Variants in DMXL2 observed in about 807,000 individuals in gnomAD.
DMXL2 encodes Dmx like 2.
Under a neutral mutation model 331.1 loss-of-function variants are expected in DMXL2, and 103 were observed. The observed-to-expected ratio is 0.31, with a 90% CI of 0.27 to 0.37. The LOEUF is 0.37. Ranked by LOEUF, DMXL2 falls within the 10% of genes least tolerant of loss-of-function variation. The probability of loss-of-function intolerance (pLI) is 1.00; values close to 1 mark genes in which losing one functional copy is unlikely to be tolerated. For synonymous variants in DMXL2, 1,281 were observed against 1,252.1 expected (o/e 1.02, Z -0.49); for missense variants, 3,171 against 3,642.9 (o/e 0.87, Z 3.33).
chr15:51,592,979 A>T (rs1323565147), intron 1 of DMXL2, among the ~76,000 whole-genome samples: 1 of 152,260 alleles, frequency 6.6e-6, no homozygotes, highest in Non-Finnish European at 1.5e-5. Flanking sequence ...TGTAAAGACC[A>T]TCGAGGCTAA....
intron 40 of DMXL2, 91 bp from the exon 41 acceptor site, chr15:51,453,732 A>ATG (rs1595873720): frequency 5.0e-6 from 5 of 993,574 alleles, no homozygotes; most frequent in Non-Finnish European, 7.6e-6. Context: ...AACATACTAT[A>ATG]TGCATGAGCT....
intron 6 of DMXL2, among the ~76,000 whole-genome samples, chr15:51,559,999 C>T (rs2049851849): frequency 6.6e-6 from 1 of 152,166 alleles, no homozygotes; most frequent in Admixed American, 6.5e-5. Context: ...AAGACATCTG[C>T]TGCAGCATTA....
chr15:51,610,239 T>A (rs1029236992), intron 1 of DMXL2, among the ~76,000 whole-genome samples: 1 of 152,174 alleles, frequency 6.6e-6, no homozygotes, highest in Non-Finnish European at 1.5e-5. Context: ...CAAGAAGATA[T>A]AATAATTTTA....
intron 6 of DMXL2, among the ~76,000 whole-genome samples, chr15:51,554,685 G>T (rs184753987): frequency 6.6e-6 from 1 of 152,186 alleles, no homozygotes; most frequent in Admixed American, 6.5e-5. Flanking sequence ...AAATTAGATG[G>T]AGTGGAGTGT....
chr15:51,593,234 T>C (rs1393419924), intron 1 of DMXL2, among the ~76,000 whole-genome samples: 1 of 151,392 alleles, frequency 6.6e-6, no homozygotes, highest in South Asian at 2.1e-4. Context: ...ACCAAGCAAA[T>C]AGAAAACAAA....
chr15:51,474,039 ACT>A (rs2041359211), intron 28 of DMXL2, among the ~76,000 whole-genome samples: 1 of 145,492 alleles, frequency 6.9e-6, no homozygotes, highest in African/African-American at 2.5e-5. Flanking sequence ...CTTAGGAACT[ACT>A]CTTTTTGTAT....
chr15:51,557,443 T>C (rs2049672277), intron 6 of DMXL2, among the ~76,000 whole-genome samples: 1 of 152,134 alleles, frequency 6.6e-6, no homozygotes, highest in African/African-American at 2.4e-5. Flanking sequence ...AAGATGTCAA[T>C]TCTCCCCAAA....
At chr15:51,457,257 A>G in intron 37 of DMXL2, 71 bp downstream of exon 37, 1 of 1,499,874 alleles carries the variant, frequency 6.7e-7, no homozygotes, top group Non-Finnish European at 9.1e-7. Flanking sequence ...GATCATTCCT[A>G]TGTCAAAGAG....
rs932241586 is a variant in DMXL2, at chr15:51,448,835, C to G, written c.*149G>C. 3.1e-5 allele frequency: 24 copies of G among 762,218 alleles called. No individual in the cohort carries two copies. The highest frequency in any genetic ancestry group is 3.6e-4 in the Middle Eastern group (1 of 2,774). The allele number at this position is 762,218 out of a possible 1,614,324, so 47.2% of individuals were successfully genotyped here. A position where few individuals can be genotyped will look rare whatever the true frequency, so the allele number is the denominator to read the frequency against. On this transcript the variant is annotated 3_prime_UTR_variant, in exon 44 of 44. Transcript: ENST00000560891. ...GTACATGCGCATTCATTCCACCAAC[C>G]TGTTTAGATAATACTCAGCTTGGGT...
rs2043403138 is a variant in DMXL2, at chr15:51,499,207, T to C, written c.4017A>G (p.Val1339=). 4 of 1,614,094 alleles carry C rather than the reference T, an allele frequency of 2.5e-6. No individual in the cohort carries two copies. The Admixed American group carries it at 5.0e-5, about 20-fold the overall frequency. Residue 1339 remains valine (V), a synonymous_variant, in exon 18 of 44, where the codon GTA becomes GTG. Coordinates refer to ENST00000560891, the MANE Select transcript of DMXL2 (RefSeq NM_001378457.1). ...QDGGLFEAAH[V]LSPTLPQYHP... Reference sequence around the variant, plus strand: ...GATATTGTGGAAGAGTAGGGGAAAGTACATGTGCAGCCTCAAATAAGCCAC... The same window carrying C: ...GATATTGTGGAAGAGTAGGGGAAAGCACATGTGCAGCCTCAAATAAGCCAC...
chr15:51,588,035 A>C (rs996682448), intron 1 of DMXL2, among the ~76,000 whole-genome samples: 1 of 151,808 alleles, frequency 6.6e-6, no homozygotes, highest in Non-Finnish European at 1.5e-5. Flanking sequence ...TTTCTTGTAA[A>C]TTTGTTTGAG....
At chr15:51,512,753 T>G (rs1596072758) in intron 15 of DMXL2, among the ~76,000 whole-genome samples, 1 of 150,050 alleles carries the variant, frequency 6.7e-6, no homozygotes, top group Non-Finnish European at 1.5e-5. Flanking sequence ...GAGGTGGAGG[T>G]TACAGTAAGC....
chr15:51,497,546 T>G (rs2043271000), intron 18 of DMXL2, among the ~76,000 whole-genome samples: 1 of 152,194 alleles, frequency 6.6e-6, no homozygotes, highest in African/African-American at 2.4e-5. Flanking sequence ...AACATAGCAA[T>G]TTTTCACTCC....
chr15:51,598,526 A>C (rs2052997394), intron 1 of DMXL2, among the ~76,000 whole-genome samples: 1 of 152,212 alleles, frequency 6.6e-6, no homozygotes, highest in South Asian at 2.1e-4. Flanking sequence ...TTCCAGATTA[A>C]GTGTTTAGCT....
At chr15:51,586,435 C>G (rs1250271388) in intron 1 of DMXL2, among the ~76,000 whole-genome samples, 4 of 152,058 alleles carry the variant, frequency 2.6e-5, no homozygotes, top group African/African-American at 9.7e-5. Context: ...AGAAAACGTT[C>G]TAAGCGTTTA....
chr15:51,455,928 T>G, intron 39 of DMXL2, 138 bp downstream of exon 39: 1 of 971,774 alleles, frequency 1.0e-6, no homozygotes, highest in Non-Finnish European at 1.5e-6. Context: ...AGAGAGTGTA[T>G]GAATAGACTC....
At chr15:51,535,030 G>A (rs998392483) in intron 13 of DMXL2, among the ~76,000 whole-genome samples, 2 of 152,042 alleles carry the variant, frequency 1.3e-5, no homozygotes, top group Non-Finnish European at 1.5e-5. Flanking sequence ...CTTAAAGGTA[G>A]GTCTGAAACT....
rs751103267 is a variant in DMXL2 at position 51,536,171 on chromosome 15, C to T, written c.2309G>A (p.Cys770Tyr). Residue 770 changes from cysteine (C) to tyrosine (Y), a missense_variant, in exon 12 of 44, where the codon TGT becomes TAT. Around this residue, in one of 7 missense-constraint regions of DMXL2, gnomAD observed 1,674 missense variants for 1,780.2 expected, o/e 0.94. Transcript: ENST00000560891. ...AWLPTLIPSY[C>Y]LGTYCNSASA... ...CAATTACAATGAACACTTACCTAGA[C>T]AGTAACTGGGAATGAGAGTTGGAAG... 1 of 1,579,540 alleles carries T rather than the reference C, an allele frequency of 6.3e-7. No individual in the cohort carries two copies. Among genetic ancestry groups the T allele is most frequent in the Non-Finnish European group, 8.6e-7 (1 of 1,165,162 alleles).
chr15:51,469,483 T>C (rs1487955188), intron 29 of DMXL2, among the ~76,000 whole-genome samples: 2 of 152,188 alleles, frequency 1.3e-5, no homozygotes, highest in Non-Finnish European at 2.9e-5. Context: ...AAAAACTACA[T>C]ATACTGATCC....
Sources: gnomAD v4.1 joint callset for allele counts (sites outside exome capture counted in the v4.1 genomes callset) on GRCh38, gnomAD v4.1.1 for gene constraint, gnomAD v4.1.1 regional missense constraint, MANE v1.5 for transcripts, NCBI Gene and HGNC (gene_info 2026-07-23, HGNC 2026-07-21) for gene names.